The following SKP2 variants were observed in gnomAD, a reference collection of about 807,000 sequenced individuals.
SKP2 encodes the protein S-phase kinase associated protein 2.
SKP2 carries 16 observed loss-of-function variants against 51.8 expected under a neutral mutation model. The observed-to-expected ratio is 0.31, with a 90% confidence interval of 0.21 to 0.47. The LOEUF is 0.47. Ranked by LOEUF, SKP2 falls within the 20% of genes least tolerant of loss-of-function variation. SKP2 has a pLI of 1.00. For missense variants in SKP2, 377 were observed against 505.3 expected, an observed-to-expected ratio of 0.75 and a Z score of 2.43; for synonymous variants, 176 against 198.6, an observed-to-expected ratio of 0.89 and a Z score of 0.96.
intron 2 of SKP2, among the ~76,000 whole-genome samples, chr5:36,162,239 T>C (rs1745144009): frequency 7.9e-6 from 1 of 126,990 alleles, no homozygotes; most frequent in South Asian, 2.4e-4. Flanking sequence ...GGCTGCTCTC[T>C]GATTTTTCTA....
In SKP2 at chr5:36,168,170, G is replaced by T; in HGVS notation, c.537-143G>T. On this transcript the variant is annotated intron_variant, in intron 4 of 9. Coordinates refer to ENST00000274255, the MANE Select transcript of SKP2 (RefSeq NM_005983.4). ...ATACACTAGTAGCAATATGTTTTAT[G>T]ACCCTATAGTTAATGCTTGAAGTAT... is the stretch of plus-strand genomic sequence containing the variant. The T allele has an allele frequency of 1.4e-6, 1 of 734,512 alleles. No homozygotes were observed. Among genetic ancestry groups the T allele is most frequent in the Non-Finnish European group, 2.3e-6 (1 of 442,996 alleles). 45.5% of individuals were successfully genotyped at this position (734,512 alleles called of 1,614,324 possible). A position where few individuals can be genotyped will look rare whatever the true frequency, so the allele number is the denominator to read the frequency against.
intron 6 of SKP2, among the ~76,000 whole-genome samples, chr5:36,190,663 T>C (rs1247000316): frequency 1.1e-5 from 1 of 88,302 alleles, no homozygotes. Context: ...TTTTAAATGA[T>C]GAAAAACGTC....
downstream of SKP2, among the ~76,000 whole-genome samples, chr5:36,189,232 GTCTT>G (rs1182853960): frequency 6.6e-6 from 1 of 152,174 alleles, no homozygotes; most frequent in Non-Finnish European, 1.5e-5. Context: ...ACTCGTCAAA[GTCTT>G]TCTCCATCCA....
intron 2 of SKP2, among the ~76,000 whole-genome samples, chr5:36,162,347 G>T (rs1036634935): frequency 1.3e-5 from 2 of 152,126 alleles, no homozygotes; most frequent in African/African-American, 4.8e-5. Flanking sequence ...TACTCACAGG[G>T]CTCACTCCCT....
chr5:36,182,124 T>G lies in SKP2; in HGVS notation c.*93T>G. ...AGTACTTAGCTAGTTTTATTCTTGG[T>G]TTTCCCTTTGCCTTCATTCTGCAAG... On this transcript the variant is annotated 3_prime_UTR_variant, in exon 10 of 10. Coordinates refer to ENST00000274255, the MANE Select transcript of SKP2 (RefSeq NM_005983.4). 1 of 1,508,170 alleles carries G rather than the reference T, an allele frequency of 6.6e-7. No homozygotes were observed. Among genetic ancestry groups the G allele is most frequent in the Non-Finnish European group, 8.9e-7 (1 of 1,127,612 alleles). The allele number at this position is 1,508,170 out of a possible 1,614,324, so 93.4% of individuals were successfully genotyped here.
chr5:36,193,360 C>T (rs1746091728), intron 7 of SKP2: 1 of 151,334 alleles, frequency 6.6e-6, no homozygotes, highest in Admixed American at 6.6e-5. Flanking sequence ...CCTGTAATCC[C>T]AGCTACTTGG....
chr5:36,155,389 C>T (rs1269041217), intron 2 of SKP2, among the ~76,000 whole-genome samples: 1 of 152,138 alleles, frequency 6.6e-6, no homozygotes, highest in African/African-American at 2.4e-5. Flanking sequence ...GTTTATCAGC[C>T]TTGGAAAGTT....
At chr5:36,168,235 G>A (rs1321808726) in intron 4 of SKP2, 78 bp from the exon 5 acceptor site, 2 of 1,381,310 alleles carry the variant, frequency 1.4e-6, no homozygotes, top group Non-Finnish European at 2.0e-6. Context: ...CTCATTTGGG[G>A]AGAAGAGGGG....
chr5:36,187,008 T>C (rs1003936170), downstream of SKP2, among the ~76,000 whole-genome samples: 4 of 152,228 alleles, frequency 2.6e-5, no homozygotes, highest in Non-Finnish European at 4.4e-5. Flanking sequence ...CCATTTCTTC[T>C]AGATTTTCTA....
chr5:36,164,803 T>G (rs1018856071), intron 3 of SKP2, among the ~76,000 whole-genome samples: 1 of 152,226 alleles, frequency 6.6e-6, no homozygotes, highest in African/African-American at 2.4e-5. Flanking sequence ...ATTTTAAAAT[T>G]TTATTGTATA....
intron 2 of SKP2, among the ~76,000 whole-genome samples, chr5:36,160,484 A>G (rs1215851249): frequency 2.6e-5 from 4 of 152,106 alleles, no homozygotes; most frequent in Admixed American, 2.6e-4. Flanking sequence ...TCTCAAACTC[A>G]GAGTAGAATA....
intron 3 of SKP2, 50 bp from the exon 4 acceptor site, chr5:36,166,469 C>CAG: frequency 6.4e-7 from 1 of 1,564,408 alleles, no homozygotes; most frequent in East Asian, 2.2e-5. Flanking sequence ...TGAGGGCTTC[C>CAG]AGCATTTAGT....
At chr5:36,173,725 G>A (rs1745546341) in intron 7 of SKP2, among the ~76,000 whole-genome samples, 1 of 152,260 alleles carries the variant, frequency 6.6e-6, no homozygotes, top group South Asian at 2.1e-4. Flanking sequence ...ACACATTCAG[G>A]ACAGAGAGAC....
chr5:36,193,093 A>G (rs1257802326), intron 7 of SKP2: 1 of 152,184 alleles, frequency 6.6e-6, no homozygotes. Flanking sequence ...TTACACAGCA[A>G]GTTACCTATT....
chr5:36,152,268 C>T lies in SKP2; in HGVS notation c.6C>T (p.His2=), dbSNP rs201532962. 9.0e-5 allele frequency: 146 copies of T among 1,613,600 alleles called. No individual in the cohort carries two copies. Among genetic ancestry groups the T allele is most frequent in the Non-Finnish European group, 1.1e-4 (129 of 1,179,582 alleles). The change falls in exon 1 of 10, where the codon CAC becomes CAT. Residue 2 remains histidine, a splice_region_variant and synonymous_variant. Transcript: ENST00000274255. The part of the protein sequence containing the change: M[H]RKHLQEIPDL... ...CTCCCGGGCCTGCGGACGCTATGCA[C>T]AGGTAAACGGATTGCAAAAAGGGGA...
intron 2 of SKP2, among the ~76,000 whole-genome samples, chr5:36,155,844 C>T (rs1744929042): frequency 6.6e-6 from 1 of 152,138 alleles, no homozygotes; most frequent in African/African-American, 2.4e-5. Flanking sequence ...AAGCAAGGCA[C>T]TGTGGGAACA....
intron 6 of SKP2, among the ~76,000 whole-genome samples, chr5:36,189,516 C>T (rs900263278): frequency 1.1e-4 from 16 of 152,164 alleles, no homozygotes; most frequent in African/African-American, 2.7e-4. Context: ...GTATCAGCAG[C>T]GGAGGCTGCA....
At chr5:36,160,937 G>A (rs1459413360) in intron 2 of SKP2, among the ~76,000 whole-genome samples, 1 of 151,990 alleles carries the variant, frequency 6.6e-6, no homozygotes, top group African/African-American at 2.4e-5. Flanking sequence ...CTTTAATTTT[G>A]TCCCCTGAAG....
chr5:36,152,349 G>T, intron 1 of SKP2, 79 bp downstream of exon 1: 2 of 1,317,960 alleles, frequency 1.5e-6, no homozygotes, highest in Non-Finnish European at 2.2e-6. Flanking sequence ...ATCGCTACTG[G>T]CTAATATTGT....
Sources: gnomAD v4.1 joint callset for allele counts (sites outside exome capture counted in the v4.1 genomes callset) on GRCh38, gnomAD v4.1.1 for gene constraint, MANE v1.5 for transcripts, NCBI Gene and HGNC (gene_info 2026-07-23, HGNC 2026-07-21) for gene names.